Variants in ZNF277 observed in about 807,000 individuals in gnomAD.
ZNF277 encodes the protein zinc finger protein 277, also known as nuclear receptor-interacting factor 4.
A neutral mutation model predicts 60.7 loss-of-function variants in ZNF277; 55 were observed. The ratio of observed to expected loss-of-function variants is 0.91; its 90% CI spans 0.73 to 1.13. The LOEUF is 1.13. Among genes scored for constraint, ZNF277 ranks in the 50% most tolerant of loss-of-function variants. The pLI, the probability that ZNF277 is intolerant of heterozygous loss-of-function variation, is 0.00. For synonymous variants in ZNF277, 178 were observed against 179.3 expected (o/e 0.99, Z 0.06); for missense variants, 510 against 523.0 (o/e 0.98, Z 0.24).
At chr7:112,339,951 G>C in intron 10 of ZNF277, 66 bp downstream of exon 10, 1 of 1,451,390 alleles carries the variant, frequency 6.9e-7, no homozygotes. Flanking sequence ...TGTAAGCTAT[G>C]CCTATGTTCA....
intron 1 of ZNF277, among the ~76,000 whole-genome samples, chr7:112,248,009 C>T (rs1233721680): frequency 6.6e-6 from 1 of 151,542 alleles, no homozygotes; most frequent in Admixed American, 6.6e-5. Context: ...ATTTTAAAAG[C>T]CTCAAATTAG....
intron 1 of ZNF277, among the ~76,000 whole-genome samples, chr7:112,207,361 C>G (rs1411164092): frequency 6.6e-6 from 1 of 152,144 alleles, no homozygotes; most frequent in African/African-American, 2.4e-5. Context: ...CTCACAACCT[C>G]CCTGTAGATG....
At chr7:112,233,412 A>C (rs958211445) in intron 1 of ZNF277, among the ~76,000 whole-genome samples, 2 of 152,212 alleles carry the variant, frequency 1.3e-5, no homozygotes, top group South Asian at 4.1e-4. Context: ...TTAGCAAGTC[A>C]TATTTTTTGG....
chr7:112,278,089 T>A (rs1290483613), intron 1 of ZNF277, among the ~76,000 whole-genome samples: 1 of 152,214 alleles, frequency 6.6e-6, no homozygotes, highest in Non-Finnish European at 1.5e-5. Flanking sequence ...ACTGAGGCTA[T>A]CAATATAAAT....
chr7:112,227,816 C>A (rs539243025), intron 1 of ZNF277, among the ~76,000 whole-genome samples: 1 of 151,886 alleles, frequency 6.6e-6, no homozygotes, highest in African/African-American at 2.4e-5. Context: ...CTACATACGT[C>A]TTTGTAGCTT....
chr7:112,309,571 C>T (rs1792675010), intron 4 of ZNF277, among the ~76,000 whole-genome samples: 1 of 151,392 alleles, frequency 6.6e-6, no homozygotes, highest in South Asian at 2.1e-4. Flanking sequence ...TGGAAACAGC[C>T]CTATGTTGTT....
chr7:112,225,208 A>T (rs1414556118), intron 1 of ZNF277, among the ~76,000 whole-genome samples: 2 of 152,194 alleles, frequency 1.3e-5, no homozygotes, highest in African/African-American at 4.8e-5. Flanking sequence ...CATTGGCTTG[A>T]GGCTGGAACA....
At chr7:112,329,989 C>G (rs987559726) in intron 6 of ZNF277, 95 bp from the exon 7 acceptor site, 2 of 1,398,160 alleles carry the variant, frequency 1.4e-6, no homozygotes, top group Admixed American at 2.4e-5. Context: ...GCTGTGTAAC[C>G]TAAAATGAAT....
intron 1 of ZNF277, among the ~76,000 whole-genome samples, chr7:112,215,804 T>C (rs929491758): frequency 3.3e-5 from 5 of 152,234 alleles, no homozygotes; most frequent in African/African-American, 1.2e-4. Context: ...TTTTAGTGTT[T>C]TTATCCAAAT....
rs746281361 is a variant in ZNF277, at chr7:112,254,573, A to C, written c.92-32300A>C. ...TGCTATGAAATATTAGCTGAATAACAATTTGTGTTAAAATAAATATGGCAT... is the reference window on the plus strand; with the variant it reads ...TGCTATGAAATATTAGCTGAATAACCATTTGTGTTAAAATAAATATGGCAT... On this transcript the variant is annotated intron_variant, in intron 1 of 11. Coordinates refer to ENST00000361822, the MANE Select transcript of ZNF277 (RefSeq NM_021994.3). Among the ~76,000 whole-genome samples, 75 of 152,226 alleles carry C rather than the reference A, an allele frequency of 4.9e-4. 1 individual carries two copies. Among genetic ancestry groups the C allele is most frequent in the Admixed American group, 3.9e-4 (6 of 15,274 alleles).
intron 6 of ZNF277, 124 bp from the exon 7 acceptor site, chr7:112,329,960 G>C: frequency 9.4e-7 from 1 of 1,064,538 alleles, no homozygotes; most frequent in South Asian, 1.7e-5. Context: ...GACAAGGATG[G>C]TATATCCCAT....
At chr7:112,323,554 G>A (rs1041905826) in intron 5 of ZNF277, among the ~76,000 whole-genome samples, 1 of 152,210 alleles carries the variant, frequency 6.6e-6, no homozygotes, top group African/African-American at 2.4e-5. Context: ...CTGTGAGCCT[G>A]CTGTTGTCAA....
intron 11 of ZNF277, among the ~76,000 whole-genome samples, chr7:112,342,302 C>A (rs1793459230): frequency 6.6e-6 from 1 of 152,136 alleles, no homozygotes; most frequent in Non-Finnish European, 1.5e-5. Context: ...CAGCGGACAA[C>A]TCCAGAGGCA....
intron 4 of ZNF277, among the ~76,000 whole-genome samples, chr7:112,307,117 C>T (rs76932986): frequency 0.019 from 2,879 of 152,222 alleles, 53 homozygotes; most frequent in Middle Eastern, 0.031. Flanking sequence ...AGCTGGGGTT[C>T]GTGCCTGTTC....
At chr7:112,316,100 A>G (rs1001178616) in intron 4 of ZNF277, among the ~76,000 whole-genome samples, 4 of 152,162 alleles carry the variant, frequency 2.6e-5, no homozygotes, top group Non-Finnish European at 5.9e-5. Context: ...ATCCCCTAAC[A>G]TCTCTTACAG....
intron 1 of ZNF277, among the ~76,000 whole-genome samples, chr7:112,279,741 G>A (rs1189370951): frequency 2.0e-5 from 3 of 151,834 alleles, no homozygotes; most frequent in Non-Finnish European, 4.4e-5. Flanking sequence ...TATTATATAC[G>A]GCATTTCTAA....
intron 4 of ZNF277, among the ~76,000 whole-genome samples, chr7:112,298,863 A>G (rs1444262641): frequency 6.6e-6 from 1 of 152,208 alleles, no homozygotes; most frequent in African/African-American, 2.4e-5. Flanking sequence ...CAAACCAAAC[A>G]TTCCAGGTAC....
chr7:112,311,186 A>T (rs1792723386), intron 4 of ZNF277, among the ~76,000 whole-genome samples: 1 of 152,106 alleles, frequency 6.6e-6, no homozygotes, highest in African/African-American at 2.4e-5. Flanking sequence ...GTTGAGTGCC[A>T]TCTGCTATAT....
chr7:112,314,986 G>A (rs1340724850), intron 4 of ZNF277, among the ~76,000 whole-genome samples: 2 of 152,108 alleles, frequency 1.3e-5, no homozygotes, highest in South Asian at 4.1e-4. Flanking sequence ...TTTTTTAAAG[G>A]TTCATTTACA....
Sources: allele counts gnomAD v4.1 joint callset (sites outside exome capture counted in the v4.1 genomes callset), GRCh38; gene constraint gnomAD v4.1.1; transcripts MANE v1.5; gene names NCBI Gene and HGNC (gene_info 2026-07-23, HGNC 2026-07-21).